Variants in NTM observed in about 807,000 individuals in gnomAD.
NTM encodes neurotrimin, also known as IgLON family member 2.
In NTM, 13 loss-of-function variants were observed where a neutral mutation model predicts 42.1. That is an observed-to-expected ratio of 0.31 (90% CI 0.20 to 0.49). NTM has a LOEUF of 0.49. Among genes scored for constraint, NTM ranks in the 20% least tolerant of loss-of-function variants. The pLI is 0.99. For missense variants in NTM, 373 were observed against 452.8 expected (o/e 0.82, Z 1.60); for synonymous variants, 187 against 179.2 (o/e 1.04, Z -0.35).
At chr11:131,745,322 A>C (rs2081680282) in intron 1 of NTM, among the ~76,000 whole-genome samples, 1 of 152,216 alleles carries the variant, frequency 6.6e-6, no homozygotes, top group African/African-American at 2.4e-5. Context: ...GGTGAAGGGC[A>C]CTGCTCTCAG....
At chr11:131,889,216 C>T (rs76217927) in intron 1 of NTM, among the ~76,000 whole-genome samples, 2,465 of 152,272 alleles carry the variant, frequency 0.016, 63 homozygotes, top group African/African-American at 0.056. Flanking sequence ...CCTGGAGTTT[C>T]CCCATAAACA....
intron 1 of NTM, among the ~76,000 whole-genome samples, chr11:131,701,937 C>G (rs2076115773): frequency 1.3e-5 from 2 of 152,146 alleles, no homozygotes; most frequent in Admixed American, 6.5e-5. Flanking sequence ...AGCATTAAAC[C>G]AAACATGGGC....
chr11:132,235,961 C>T (rs2088762226), intron 4 of NTM, among the ~76,000 whole-genome samples: 2 of 151,220 alleles, frequency 1.3e-5, no homozygotes, highest in African/African-American at 4.9e-5. Context: ...TTTAAAAAGT[C>T]AGCCCTCAAT....
At chr11:131,737,448 C>T (rs2080615348) in intron 1 of NTM, among the ~76,000 whole-genome samples, 1 of 152,176 alleles carries the variant, frequency 6.6e-6, no homozygotes, top group Non-Finnish European at 1.5e-5. Flanking sequence ...AGAAGAGAAA[C>T]CATTCATGTT....
chr11:131,722,634 GTGAC>G (rs1277243810), intron 1 of NTM, among the ~76,000 whole-genome samples: 1 of 152,180 alleles, frequency 6.6e-6, no homozygotes, highest in African/African-American at 2.4e-5. Flanking sequence ...GAGGACCACA[GTGAC>G]AATCACAGTG....
chr11:131,462,559 T>C (rs1565526635), intron 1 of NTM, among the ~76,000 whole-genome samples: 5 of 152,240 alleles, frequency 3.3e-5, no homozygotes. Flanking sequence ...AGGTTGAAGA[T>C]TGTCAGCTAA....
chr11:131,470,189 G>A (rs1952300629), intron 1 of NTM, among the ~76,000 whole-genome samples: 1 of 152,170 alleles, frequency 6.6e-6, no homozygotes, highest in Admixed American at 6.5e-5. Context: ...GACCTGTTCT[G>A]CTATTAGCCC....
At chr11:131,772,800 T>A (rs2086326058) in intron 1 of NTM, among the ~76,000 whole-genome samples, 1 of 152,168 alleles carries the variant, frequency 6.6e-6, no homozygotes, top group Non-Finnish European at 1.5e-5. Flanking sequence ...CAGTATAAAG[T>A]TCACACATGG....
intron 3 of NTM, among the ~76,000 whole-genome samples, chr11:132,178,633 A>G (rs1173599147): frequency 1.3e-5 from 2 of 152,206 alleles, no homozygotes; most frequent in South Asian, 2.1e-4. Flanking sequence ...GACCTGGACA[A>G]TTGACGCCTT....
chr11:131,476,560 G>C (rs1440924964), intron 1 of NTM, among the ~76,000 whole-genome samples: 1 of 152,188 alleles, frequency 6.6e-6, no homozygotes, highest in Non-Finnish European at 1.5e-5. Context: ...AATGGGAGGA[G>C]GGGCAGGCTT....
intron 1 of NTM, among the ~76,000 whole-genome samples, chr11:131,874,481 C>T (rs2048300350): frequency 6.6e-6 from 1 of 152,106 alleles, no homozygotes; most frequent in Admixed American, 6.5e-5. Flanking sequence ...CCGTATGAAA[C>T]ACATTTTAAA....
chr11:131,998,746 T>C (rs887702142), intron 2 of NTM, among the ~76,000 whole-genome samples: 2 of 152,138 alleles, frequency 1.3e-5, no homozygotes, highest in East Asian at 1.9e-4. Flanking sequence ...CTTTCTACTG[T>C]TGCCTTGGTA....
intron 1 of NTM, among the ~76,000 whole-genome samples, chr11:131,617,883 G>T (rs903161101): frequency 1.3e-5 from 2 of 152,166 alleles, no homozygotes; most frequent in Admixed American, 6.5e-5. Flanking sequence ...GATAGGCAGG[G>T]GGTTGGGAGG....
chr11:131,708,788 T>A (rs776690428), intron 1 of NTM, among the ~76,000 whole-genome samples: 3 of 152,218 alleles, frequency 2.0e-5, no homozygotes, highest in Non-Finnish European at 4.4e-5. Flanking sequence ...CCTTTGCTCT[T>A]CAGAAACTTA....
chr11:131,724,581 AC>A (rs1214405697), intron 1 of NTM, among the ~76,000 whole-genome samples: 1 of 152,088 alleles, frequency 6.6e-6, no homozygotes, highest in African/African-American at 2.4e-5. Context: ...TGCACCTCAC[AC>A]CCCAGAATCT....
chr11:131,954,629 CTTTT>C (rs34845794), intron 2 of NTM, among the ~76,000 whole-genome samples: 1 of 151,120 alleles, frequency 6.6e-6, no homozygotes, highest in African/African-American at 2.4e-5. Flanking sequence ...TTATAGAATA[CTTTT>C]TTTTTAACGA....
At chr11:131,497,685 A>G (rs776736040) in intron 1 of NTM, among the ~76,000 whole-genome samples, 5 of 152,202 alleles carry the variant, frequency 3.3e-5, no homozygotes, top group Non-Finnish European at 7.3e-5. Flanking sequence ...GTTAAGTACC[A>G]TGAGTTCTGA....
intron 4 of NTM, 58 bp from the exon 5 acceptor site, chr11:132,307,630 GA>G (rs778452897): frequency 2.5e-6 from 4 of 1,604,264 alleles, no homozygotes; most frequent in Non-Finnish European, 3.4e-6. Context: ...TTTTCTAAGT[GA>G]ACATGTTTGG....
intron 1 of NTM, among the ~76,000 whole-genome samples, chr11:131,544,442 C>G (rs1053026429): frequency 6.6e-6 from 1 of 152,172 alleles, no homozygotes; most frequent in Non-Finnish European, 1.5e-5. Context: ...TCCCATTCTA[C>G]TACCAAATTA....
Sources: gnomAD v4.1 joint callset for allele counts (sites outside exome capture counted in the v4.1 genomes callset) on GRCh38, gnomAD v4.1.1 for gene constraint, MANE v1.5 for transcripts, NCBI Gene and HGNC (gene_info 2026-07-23, HGNC 2026-07-21) for gene names.